The following ZFHX3 variants were observed in gnomAD, a reference collection of about 807,000 sequenced individuals.
ZFHX3 encodes the protein zinc finger homeobox protein 3.
Under a neutral mutation model 279.1 loss-of-function variants are expected in ZFHX3, and 42 were observed. That is an observed-to-expected ratio of 0.15 (90% CI 0.12 to 0.19). The LOEUF (loss-of-function observed/expected upper bound fraction) is 0.19. Among genes scored for constraint, ZFHX3 ranks in the 10% least tolerant of loss-of-function variants. The pLI, the probability that ZFHX3 is intolerant of heterozygous loss-of-function variation, is 1.00. For missense variants in ZFHX3, 4,981 were observed against 4,754.0 expected, an observed-to-expected ratio of 1.05 and a Z score of -1.40; for synonymous variants, 2,293 against 1,957.8, an observed-to-expected ratio of 1.17 and a Z score of -4.52.
At chr16:73,724,975 C>A (rs2142241883) in intron 1 of ZFHX3, among the ~76,000 whole-genome samples, 1 of 152,250 alleles carries the variant, frequency 6.6e-6, no homozygotes, top group Non-Finnish European at 1.5e-5. Flanking sequence ...CAAGAAAACA[C>A]CAAGAATTTT....
At chr16:72,956,766 C>A (rs1961268350) in intron 2 of ZFHX3, among the ~76,000 whole-genome samples, 1 of 11,658 alleles carries the variant, frequency 8.6e-5, no homozygotes, top group Admixed American at 1.6e-3. Context: ...AACAGTGCCA[C>A]TGGGGAATTT....
chr16:73,427,714 C>A (rs2017836207), intron 3 of ZFHX3, among the ~76,000 whole-genome samples: 1 of 151,832 alleles, frequency 6.6e-6, no homozygotes, highest in South Asian at 2.1e-4. Flanking sequence ...CGTGGGCAGA[C>A]CACGAGGTCA....
intron 1 of ZFHX3, among the ~76,000 whole-genome samples, chr16:73,001,934 T>C (rs1963512446): frequency 6.6e-6 from 1 of 152,104 alleles, no homozygotes; most frequent in African/African-American, 2.4e-5. Context: ...CCATGTGGCA[T>C]TACCTATCAA....
intron 2 of ZFHX3, among the ~76,000 whole-genome samples, chr16:73,555,199 G>GTGCCTCTGTCAACCAGA (rs1467446705): frequency 6.6e-6 from 1 of 152,056 alleles, no homozygotes; most frequent in African/African-American, 2.4e-5. Flanking sequence ...CTGTCAACCA[G>GTGCCTCTGTCAACCAGA]GCTGCAGTGC....
chr16:72,785,335 A>C lies in ZFHX3; in HGVS notation c.*1829T>G, dbSNP rs944268525. 2.0e-5 allele frequency: 3 copies of C among 152,654 alleles called. No homozygotes were observed. The highest frequency in any genetic ancestry group is 4.4e-5 in the Non-Finnish European group (3 of 68,044). 9.5% of individuals were successfully genotyped at this position (152,654 alleles called of 1,614,324 possible). A position where few individuals can be genotyped will look rare whatever the true frequency, so the allele number is the denominator to read the frequency against. On this transcript the variant is annotated 3_prime_UTR_variant, in exon 10 of 10. Transcript: ENST00000268489. ...CCTTTTTTGCTTTCTGTACACTGCT[A>C]TCTGCTGCTTTGTTGGCTGCGCTCT... is the stretch of plus-strand genomic sequence containing the variant.
intron 4 of ZFHX3, among the ~76,000 whole-genome samples, chr16:73,310,097 C>T (rs756420505): frequency 4.0e-5 from 6 of 151,880 alleles, no homozygotes; most frequent in Non-Finnish European, 8.8e-5. Flanking sequence ...TTAGTAGAGA[C>T]AGGGTTTCAC....
At chr16:73,097,275 C>T (rs1439972166) in intron 7 of ZFHX3, among the ~76,000 whole-genome samples, 1 of 142,422 alleles carries the variant, frequency 7.0e-6, no homozygotes, top group Non-Finnish European at 1.5e-5. Flanking sequence ...GCTCTGTTGC[C>T]CAGGATGGTC....
At chr16:73,601,794 C>T (rs2052121067) in intron 2 of ZFHX3, among the ~76,000 whole-genome samples, 2 of 151,776 alleles carry the variant, frequency 1.3e-5, no homozygotes, top group East Asian at 1.9e-4. Context: ...GTTAAGTGAA[C>T]GGAAAGCACG....
intron 2 of ZFHX3, among the ~76,000 whole-genome samples, chr16:73,589,772 G>A (rs1489051526): frequency 0.19 from 8,989 of 46,396 alleles, no homozygotes; most frequent in Non-Finnish European, 0.27. Flanking sequence ...AAAAAAAAAA[G>A]AATATACCCT....
intron 3 of ZFHX3, among the ~76,000 whole-genome samples, chr16:73,384,294 C>A (rs530074474): frequency 2.6e-5 from 4 of 152,210 alleles, no homozygotes; most frequent in Non-Finnish European, 5.9e-5. Context: ...GTAGTTACAA[C>A]GAGATCATAT....
intron 3 of ZFHX3, among the ~76,000 whole-genome samples, chr16:73,428,467 C>T (rs1015637229): frequency 6.6e-6 from 1 of 152,266 alleles, no homozygotes; most frequent in Non-Finnish European, 1.5e-5. Context: ...CTCGAACCCC[C>T]GACAGTGAGT....
intron 1 of ZFHX3, among the ~76,000 whole-genome samples, chr16:72,966,589 C>G (rs1475618270): frequency 6.6e-6 from 1 of 152,186 alleles, no homozygotes. Flanking sequence ...ATGTTAGGAA[C>G]CACTCCAGGG....
chr16:73,474,096 AG>A (rs2018721747), intron 2 of ZFHX3, among the ~76,000 whole-genome samples: 1 of 152,088 alleles, frequency 6.6e-6, no homozygotes, highest in Non-Finnish European at 1.5e-5. Flanking sequence ...ACCACACCAA[AG>A]GAAATTCTTT....
At chr16:73,359,521 C>G (rs1046341479) in intron 3 of ZFHX3, among the ~76,000 whole-genome samples, 1 of 152,128 alleles carries the variant, frequency 6.6e-6, no homozygotes, top group Non-Finnish European at 1.5e-5. Context: ...AGTTTAGAGG[C>G]GGAAGAACCT....
chr16:73,416,012 C>T (rs2017567116), intron 3 of ZFHX3, among the ~76,000 whole-genome samples: 3 of 150,268 alleles, frequency 2.0e-5, no homozygotes, highest in South Asian at 2.1e-4. Flanking sequence ...CCCAGCTACT[C>T]GGGAGGCTGG....
chr16:73,435,569 C>T (rs1330224764), intron 3 of ZFHX3, among the ~76,000 whole-genome samples: 1 of 152,058 alleles, frequency 6.6e-6, no homozygotes, highest in Non-Finnish European at 1.5e-5. Context: ...TCCTTAGATG[C>T]CATTAGCACT....
Position 72,788,550 on chromosome 16 carries a change from C to T in ZFHX3, c.9726G>A (p.Glu3242=), listed in dbSNP as rs202057319. ...CTTTCCCTTTGTGTGCCTTTTCCTT[C>T]TCCTTTACTTTCTCACTGTCTTTGT... ...RKDKDSEKVK[E]KEKAHKGKGE... Residue 3242 remains glutamate, a synonymous_variant, in exon 10 of 10, where the codon GAG becomes GAA. Coordinates refer to ENST00000268489, the MANE Select transcript of ZFHX3 (RefSeq NM_006885.4). 1.1e-5 allele frequency: 18 copies of T among 1,613,894 alleles called. No individual in the cohort carries two copies. The South Asian group carries it at 1.9e-4, about 17-fold the overall frequency.
At chr16:73,255,385 A>G (rs1411164682) in intron 5 of ZFHX3, among the ~76,000 whole-genome samples, 1 of 152,206 alleles carries the variant, frequency 6.6e-6, no homozygotes, top group Non-Finnish European at 1.5e-5. Context: ...CCCAGCCAGC[A>G]CTGGGTGTTG....
At chr16:73,320,654 G>A (rs191252889) in intron 3 of ZFHX3, among the ~76,000 whole-genome samples, 2 of 152,272 alleles carry the variant, frequency 1.3e-5, no homozygotes, top group Admixed American at 6.5e-5. Flanking sequence ...AAGCACTGCT[G>A]TGGCACACAT....
Sources: allele counts gnomAD v4.1 joint callset (sites outside exome capture counted in the v4.1 genomes callset), GRCh38; gene constraint gnomAD v4.1.1; transcripts MANE v1.5; gene names NCBI Gene and HGNC (gene_info 2026-07-23, HGNC 2026-07-21).